The following TICRR variants were observed in gnomAD, a reference collection of about 807,000 sequenced individuals.
TICRR encodes the protein treslin.
A neutral mutation model predicts 178.1 loss-of-function variants in TICRR; 132 were observed. The observed-to-expected ratio is 0.74, with a 90% CI of 0.64 to 0.86. TICRR has a LOEUF of 0.86. TICRR is among the 40% of genes least tolerant of loss of function. TICRR has a pLI of 0.00. For synonymous variants in TICRR, 991 were observed against 900.7 expected, an observed-to-expected ratio of 1.10 and a Z score of -1.79; for missense variants, 2,587 against 2,334.3, an observed-to-expected ratio of 1.11 and a Z score of -2.23.
In TICRR at chr15:89,601,553, A is replaced by G. The variant is rs148741452; in HGVS notation, c.2312A>G (p.Glu771Gly). The G allele has an allele frequency of 6.2e-7, 1 of 1,614,178 alleles. No individual in the cohort carries two copies. The highest frequency in any genetic ancestry group is 2.2e-5 in the East Asian group (1 of 44,882). Residue 771 changes from glutamate to glycine, a missense_variant, in exon 11 of 22, where the codon GAG becomes GGG. Coordinates refer to ENST00000268138, the MANE Select transcript of TICRR (RefSeq NM_152259.4). Reference protein sequence around the residue: ...EDSAYLAEFLEEILRLYIDSI... With the variant: ...EDSAYLAEFLGEILRLYIDSI... ...TCAGCGTACCTAGCAGAGTTTCTGG[A>G]GGAAATTTTGAGATTGTAAGTTTGA...
At chr15:89,606,507 T>C (rs552448495) in intron 13 of TICRR, among the ~76,000 whole-genome samples, 1 of 152,344 alleles carries the variant, frequency 6.6e-6, no homozygotes, top group African/African-American at 2.4e-5. Context: ...TTCCTTACTC[T>C]TGTAATGTCT....
Position 89,606,828 on chromosome 15 carries a change from A to G in TICRR, c.2722+3A>G. 6.2e-7 allele frequency: 1 copy of G among 1,612,228 alleles called. No homozygotes were observed. The highest frequency in any genetic ancestry group is 1.3e-5 in the African/African-American group (1 of 75,002). On this transcript the variant is annotated splice_donor_region_variant and intron_variant, in intron 14 of 21. Coordinates refer to ENST00000268138, the MANE Select transcript of TICRR (RefSeq NM_152259.4). Reference sequence around the variant, plus strand: ...GCCAGTGAAAGATACAGTGCAAGGTATACTGTTTTCTCAGTGTATGTATTT... The same window carrying G: ...GCCAGTGAAAGATACAGTGCAAGGTGTACTGTTTTCTCAGTGTATGTATTT...
In TICRR at chr15:89,576,086, T is replaced by C. The variant is rs1312246603; in HGVS notation, c.500T>C (p.Leu167Pro). The C allele has an allele frequency of 6.2e-7, 1 of 1,612,102 alleles. No homozygotes were observed. Among genetic ancestry groups the C allele is most frequent in the Non-Finnish European group, 8.5e-7 (1 of 1,179,970 alleles). ...CCCTGTCCGCACTCGCAGAGGGAGCTGCTGCAGTTCGTGTCTGGGTGCGAG... is the reference window on the plus strand; with the variant it reads ...CCCTGTCCGCACTCGCAGAGGGAGCCGCTGCAGTTCGTGTCTGGGTGCGAG... ...LAPCPHSQRELLQFVSGCEAQ... is the reference protein window; with the variant it reads ...LAPCPHSQREPLQFVSGCEAQ... The change falls in exon 1 of 22, where the codon CTG (leucine) becomes CCG (proline). Residue 167 changes from leucine to proline, a missense_variant. Coordinates refer to ENST00000268138, the MANE Select transcript of TICRR (RefSeq NM_152259.4).
chr15:89,596,496 G>A (rs151245773), intron 7 of TICRR, among the ~76,000 whole-genome samples: 231 of 152,180 alleles, frequency 1.5e-3, no homozygotes, highest in African/African-American at 5.2e-3. Flanking sequence ...ACAGGCGCAT[G>A]CCACCACACC....
At chr15:89,601,422 C>A (rs766030792) in intron 10 of TICRR, 31 bp downstream of exon 10, 2 of 1,611,386 alleles carry the variant, frequency 1.2e-6, no homozygotes, top group African/African-American at 2.7e-5. Context: ...CATTGAAATA[C>A]GCCCTAGATG....
chr15:89,616,551 C>CT, intron 16 of TICRR, 56 bp downstream of exon 16: 1 of 1,417,732 alleles, frequency 7.1e-7, no homozygotes, highest in Non-Finnish European at 9.9e-7. Flanking sequence ...TCAAAGCGGC[C>CT]TTGTGGGCCA....
At chr15:89,604,115 C>T (rs1306297325) in intron 13 of TICRR, among the ~76,000 whole-genome samples, 1 of 151,836 alleles carries the variant, frequency 6.6e-6, no homozygotes, top group Non-Finnish European at 1.5e-5. Flanking sequence ...AGACTAAAAA[C>T]ACAATGAAAC....
rs1479496734 is a variant in TICRR, at chr15:89,626,083, G to C, written c.5602+22G>C. On this transcript the variant is annotated intron_variant, in intron 21 of 21. Transcript: ENST00000268138. ...AGAGGTAATGTTTGTTGAAGGTCTA[G>C]GACCCTTTCCTGTGACAGACTGTCT... 7 of 1,610,974 alleles carry C rather than the reference G, an allele frequency of 4.3e-6. No individual in the cohort carries two copies. The Admixed American group carries it at 6.8e-5, about 16-fold the overall frequency.
At chr15:89,579,186 A>G (rs1962678707) in intron 1 of TICRR, among the ~76,000 whole-genome samples, 1 of 152,222 alleles carries the variant, frequency 6.6e-6, no homozygotes, top group South Asian at 2.1e-4. Flanking sequence ...ATGCTAAGGA[A>G]TCAAATAGAT....
Position 89,600,639 on chromosome 15 carries a change from C to T in TICRR, c.2107C>T (p.Arg703Ter), listed in dbSNP as rs755775389. ...SSLLKTSKSL[R>*]QNLGKKLDKE... is the part of the protein sequence containing the mutation. ...TCTCTTAAAAACTAGTAAAAGTCTT[C>T]GACAGAATCTAGGAAAAAAACTGGA... The change falls in exon 9 of 22, where the codon CGA (arginine) becomes TGA (stop). Residue 703 changes from arginine (R) to a stop codon, truncating the protein, a stop_gained. Coordinates refer to ENST00000268138, the MANE Select transcript of TICRR (RefSeq NM_152259.4). LOFTEE classifies it high-confidence loss of function. 3.8e-6 allele frequency: 6 copies of T among 1,595,260 alleles called. No individual in the cohort carries two copies. Among genetic ancestry groups the T allele is most frequent in the Non-Finnish European group, 4.3e-6 (5 of 1,171,318 alleles).
At chr15:89,616,522 T>C (rs764500716) in intron 16 of TICRR, 27 bp downstream of exon 16, 2 of 1,595,824 alleles carry the variant, frequency 1.3e-6, no homozygotes, top group Non-Finnish European at 1.7e-6. Context: ...TCCGGGCTTC[T>C]TCATACACCC....
Position 89,626,982 on chromosome 15 carries a change from A to C in TICRR, c.5629A>C (p.Thr1877Pro). The C allele has an allele frequency of 1.2e-6, 2 of 1,614,014 alleles. No homozygotes were observed. Among genetic ancestry groups the C allele is most frequent in the Non-Finnish European group, 1.7e-6 (2 of 1,179,986 alleles). ...RDEDVDVLPS[T>P]VEDSPFSRAF... ...TGAGGATGTGGATGTTCTTCCCTCC[A>C]CTGTAGAAGACTCTCCTTTCAGTCG... Residue 1877 changes from threonine to proline, a missense_variant, in exon 22 of 22, where the codon ACT becomes CCT. Physicochemically the swap from Thr to Pro is conservative, Grantham distance 38. Transcript: ENST00000268138.
chr15:89,582,666 T>C lies in TICRR; in HGVS notation c.655-20T>C. 6.2e-7 allele frequency: 1 copy of C among 1,608,282 alleles called. No individual in the cohort carries two copies. The highest frequency in any genetic ancestry group is 8.5e-7 in the Non-Finnish European group (1 of 1,175,816). On this transcript the variant is annotated intron_variant, in intron 1 of 21. Transcript: ENST00000268138. ...TGCCTAATTTATAGTAACCTAAGGT[T>C]GTTTGTCGTTTTATTTTAGTTGTGG...
chr15:89,595,519 C>G lies in TICRR; in HGVS notation c.1808C>G (p.Ala603Gly), dbSNP rs1300535050. 1 of 1,614,032 alleles carries G rather than the reference C, an allele frequency of 6.2e-7. No individual in the cohort carries two copies. The highest frequency in any genetic ancestry group is 8.5e-7 in the Non-Finnish European group (1 of 1,180,014). The stretch of plus-strand genomic sequence containing the variant: ...CATCCAGATGGCAGTCCGGATGTGG[C>G]TGGGGAGAAAGGAATCCAAAAGATA... ...KLHPDGSPDV[A>G]GEKGIQKIPS... The change falls in exon 7 of 22, where the codon GCT becomes GGT. Residue 603 changes from alanine to glycine, a missense_variant. Coordinates refer to ENST00000268138, the MANE Select transcript of TICRR (RefSeq NM_152259.4).
At chr15:89,593,920 G>A (rs936778100) in intron 5 of TICRR, among the ~76,000 whole-genome samples, 5 of 152,090 alleles carry the variant, frequency 3.3e-5, no homozygotes, top group African/African-American at 9.7e-5. Context: ...TTTAGCTCTA[G>A]GTGGAAAAGG....
chr15:89,622,529 G>T (rs1963443149), intron 19 of TICRR, among the ~76,000 whole-genome samples: 1 of 152,166 alleles, frequency 6.6e-6, no homozygotes, highest in African/African-American at 2.4e-5. Context: ...GAACTCTTGG[G>T]TTCAAAAATA....
At chr15:89,613,161 GTGA>G (rs1394880763) in intron 15 of TICRR, among the ~76,000 whole-genome samples, 5 of 152,270 alleles carry the variant, frequency 3.3e-5, no homozygotes, top group Admixed American at 1.3e-4. Flanking sequence ...TTCTGAGAAT[GTGA>G]TGATTTCTCC....
chr15:89,593,863 A>T (rs1962953230), intron 5 of TICRR, among the ~76,000 whole-genome samples: 1 of 152,204 alleles, frequency 6.6e-6, no homozygotes, highest in Non-Finnish European at 1.5e-5. Flanking sequence ...TACAAATAAC[A>T]CATTTTGAAT....
rs373963109 is a variant in TICRR, at chr15:89,619,710, A to G, written c.3022A>G (p.Ile1008Val). The change falls in exon 18 of 22, where the codon ATA becomes GTA. Residue 1008 changes from isoleucine (I) to valine (V), a missense_variant and splice_region_variant. Coordinates refer to ENST00000268138, the MANE Select transcript of TICRR (RefSeq NM_152259.4). The stretch of plus-strand genomic sequence containing the variant: ...TTACTGTGGTTCTGATTTTACAGAA[A>G]TAAGTCTGAGACGAAGTCCTCGAAT... ...VEESPEKGDE[I>V]SLRRSPRIKQ... is the part of the protein sequence containing the mutation. 41 of 1,607,280 alleles carry G rather than the reference A, an allele frequency of 2.6e-5. No homozygotes were observed. The African/African-American group carries it at 3.5e-4, about 14-fold the overall frequency.
Sources: allele counts gnomAD v4.1 joint callset (sites outside exome capture counted in the v4.1 genomes callset), GRCh38; gene constraint gnomAD v4.1.1; transcripts MANE v1.5; gene names NCBI Gene and HGNC (gene_info 2026-07-23, HGNC 2026-07-21).